Variants in YBX1 observed in about 807,000 individuals in gnomAD.
YBX1 encodes Y-box binding protein 1.
In YBX1, 3 loss-of-function variants were observed where a neutral mutation model predicts 41.4. That is an observed-to-expected ratio of 0.07 (90% confidence interval 0.03 to 0.19). The LOEUF is 0.19. Among genes scored for constraint, YBX1 ranks in the 10% least tolerant of loss-of-function variants. The pLI is 1.00. For synonymous variants in YBX1, 133 were observed against 165.8 expected, an observed-to-expected ratio of 0.80 and a Z score of 1.52; for missense variants, 274 against 462.8, an observed-to-expected ratio of 0.59 and a Z score of 3.74.
intron 2 of YBX1, among the ~76,000 whole-genome samples, chr1:42,684,338 G>A (rs1285993498): frequency 6.6e-6 from 1 of 152,248 alleles, no homozygotes. Context: ...GGCTGCCAAG[G>A]CTAGTAGTGC....
intron 7 of YBX1, 104 bp downstream of exon 7, chr1:42,701,150 A>C: frequency 1.3e-6 from 1 of 778,540 alleles, no homozygotes. Context: ...CAGATAATGA[A>C]AGCCATGTTA....
chr1:42,700,711 T>C, intron 6 of YBX1, 70 bp from the exon 7 acceptor site: 1 of 1,358,144 alleles, frequency 7.4e-7, no homozygotes, highest in Admixed American at 2.2e-5. Flanking sequence ...GTGAACCAAC[T>C]GGTTACACTG....
chr1:42,697,411 C>A, intron 6 of YBX1, 149 bp downstream of exon 6: 1 of 713,776 alleles, frequency 1.4e-6, no homozygotes, highest in Non-Finnish European at 2.2e-6. Context: ...CTATTAAAAA[C>A]AGCTTGTATA....
chr1:42,697,663 A>G (rs181826491), intron 6 of YBX1, among the ~76,000 whole-genome samples: 1 of 152,260 alleles, frequency 6.6e-6, no homozygotes, highest in African/African-American at 2.4e-5. Flanking sequence ...CTCAGTTTAG[A>G]TATGTACCCC....
At position 42,698,429 on chromosome 1, in the gene YBX1, G is replaced by A. The variant is rs139752373; in HGVS notation, c.740+1167G>A. Among the ~76,000 whole-genome samples the A allele has an allele frequency of 4.0e-3, 604 of 152,336 alleles. 3 individuals carry two copies. Among genetic ancestry groups the A allele is most frequent in the African/African-American group, 0.014 (575 of 41,572 alleles). On this transcript the variant is annotated intron_variant, in intron 6 of 7. Transcript: ENST00000321358. ...AGATTGTGTTAGCCAGATGCTGGAT[G>A]TTGAAGATAGATGGGTTTTTATTTT...
chr1:42,701,057 T>C lies in YBX1; in HGVS notation c.*31+11T>C. ...TCTACCATCATCCGGGTAAGCAAGC[T>C]TGGATGGCCATCCATTTATGGCAGT... On this transcript the variant is annotated intron_variant, in intron 7 of 7. Transcript: ENST00000321358. The C allele has an allele frequency of 6.2e-7, 1 of 1,601,474 alleles. No homozygotes were observed. Among genetic ancestry groups the C allele is most frequent in the South Asian group, 1.1e-5 (1 of 90,660 alleles).
At position 42,697,332 on chromosome 1, in the gene YBX1, C is replaced by T; in HGVS notation, c.740+70C>T. The T allele has an allele frequency of 2.7e-6, 4 of 1,459,710 alleles. No individual in the cohort carries two copies. In the South Asian group the frequency reaches 3.7e-5, roughly 14 times the overall value. 90.4% of individuals were successfully genotyped at this position (1,459,710 alleles called of 1,614,324 possible). A position where few individuals can be genotyped will look rare whatever the true frequency, so the allele number is the denominator to read the frequency against. On this transcript the variant is annotated intron_variant, in intron 6 of 7. Coordinates refer to ENST00000321358, the MANE Select transcript of YBX1 (RefSeq NM_004559.5). Reference sequence around the variant, plus strand: ...CGTGTTAGGACTCAGCAATATCATGCCTCTCCTGCAGACTCATTTTTCTGT... The same window carrying T: ...CGTGTTAGGACTCAGCAATATCATGTCTCTCCTGCAGACTCATTTTTCTGT...
intron 6 of YBX1, among the ~76,000 whole-genome samples, chr1:42,697,665 A>G (rs1650495122): frequency 6.6e-6 from 1 of 152,046 alleles, no homozygotes; most frequent in African/African-American, 2.4e-5. Flanking sequence ...CAGTTTAGAT[A>G]TGTACCCCCT....
At chr1:42,683,162 T>C (rs1452263286) in intron 1 of YBX1, 2 of 651,822 alleles carry the variant, frequency 3.1e-6, no homozygotes, top group East Asian at 3.1e-5. Context: ...GTCCGCGGCC[T>C]GCGCACACAC....
Position 42,696,528 on chromosome 1 carries a change from T to TTTCC in YBX1, c.355-111_355-108dup. 1 of 514,068 alleles carries TTTCC rather than the reference T, an allele frequency of 1.9e-6. No individual in the cohort carries two copies. Among genetic ancestry groups the TTTCC allele is most frequent in the Non-Finnish European group, 3.1e-6 (1 of 320,692 alleles). 31.8% of individuals were successfully genotyped at this position (514,068 alleles called of 1,614,324 possible). On this transcript the variant is annotated intron_variant, in intron 4 of 7. Transcript: ENST00000321358. The surrounding 1 kb of genome is among the most constrained non-coding windows in gnomAD (Gnocchi z 5.7). ...GCAGTTGCGCCCCCCCCCCCTTTTTTTTCCTTAACTTTGTTGTTTTTTGCT... is the reference window on the plus strand; with the variant it reads ...GCAGTTGCGCCCCCCCCCCCTTTTTTTTCCTTCCTTAACTTTGTTGTTTTTTGCT...
intron 1 of YBX1, 103 bp from the exon 2 acceptor site, chr1:42,683,300 G>A: frequency 7.2e-7 from 1 of 1,379,390 alleles, no homozygotes; most frequent in Non-Finnish European, 1.0e-6. Flanking sequence ...GCTGTCAGGT[G>A]GCCGCGGCGG....
intron 2 of YBX1, among the ~76,000 whole-genome samples, chr1:42,692,027 A>C (rs1215561721): frequency 6.6e-6 from 1 of 152,002 alleles, no homozygotes; most frequent in African/African-American, 2.4e-5. Flanking sequence ...ATTTTTTGTA[A>C]TTTTAGTAGA....
intron 7 of YBX1, among the ~76,000 whole-genome samples, chr1:42,701,579 T>C (rs1043838880): frequency 1.3e-5 from 2 of 152,062 alleles, no homozygotes; most frequent in Non-Finnish European, 1.5e-5. Flanking sequence ...CGAGAGTGTT[T>C]CGTGTCTAAA....
At chr1:42,697,101 T>C (rs1289949961) in intron 5 of YBX1, 79 bp from the exon 6 acceptor site, 1 of 1,531,724 alleles carries the variant, frequency 6.5e-7, no homozygotes, top group Non-Finnish European at 8.8e-7. Context: ...TGTTTGTTTT[T>C]TAACTCTTGG....
intron 2 of YBX1, among the ~76,000 whole-genome samples, chr1:42,685,340 T>C (rs538148148): frequency 6.6e-6 from 1 of 152,208 alleles, no homozygotes; most frequent in African/African-American, 2.4e-5. Context: ...TGATGGTCCT[T>C]TGTTTGGACT....
At chr1:42,693,629 C>G in intron 3 of YBX1, 106 bp downstream of exon 3, 3 of 1,188,216 alleles carry the variant, frequency 2.5e-6, no homozygotes, top group Middle Eastern at 4.2e-4. Flanking sequence ...AGTCCAACCA[C>G]CAGTTTATTT....
chr1:42,696,128 C>G lies in YBX1; in HGVS notation c.265-71C>G. The G allele has an allele frequency of 7.6e-7, 1 of 1,312,576 alleles. No homozygotes were observed. Among genetic ancestry groups the G allele is most frequent in the Non-Finnish European group, 1.1e-6 (1 of 940,954 alleles). 81.3% of individuals were successfully genotyped at this position (1,312,576 alleles called of 1,614,324 possible). On this transcript the variant is annotated intron_variant, in intron 3 of 7. Transcript: ENST00000321358. The surrounding 1 kb of genome is among the most constrained non-coding windows in gnomAD (Gnocchi z 5.7). ...TATCCAAGCTAAAATAATATTGACT[C>G]TGGTACATTTTAAATGAAAAAGCAC...
intron 3 of YBX1, among the ~76,000 whole-genome samples, chr1:42,695,518 A>G (rs1387316556): frequency 6.6e-6 from 1 of 152,270 alleles, no homozygotes; most frequent in Non-Finnish European, 1.5e-5. Context: ...AAAAAATTTC[A>G]TAGAAACGTG....
chr1:42,682,905 GGC>G (rs1180142079), intron 1 of YBX1, 174 bp downstream of exon 1: 8 of 213,574 alleles, frequency 3.7e-5, no homozygotes, highest in Non-Finnish European at 6.7e-5. Context: ...CCGCCCGGCA[GGC>G]GCGCGCGCAC....
Sources: allele counts gnomAD v4.1 joint callset (sites outside exome capture counted in the v4.1 genomes callset), GRCh38; gene constraint gnomAD v4.1.1; non-coding constraint Gnocchi (gnomAD v3.1); transcripts MANE v1.5; gene names NCBI Gene and HGNC (gene_info 2026-07-23, HGNC 2026-07-21).